Variants in ARHGEF18 observed in about 807,000 individuals in gnomAD.
ARHGEF18 encodes Rho/Rac guanine nucleotide exchange factor 18.
In ARHGEF18, 93 loss-of-function variants were observed where a neutral mutation model predicts 155.7. The ratio of observed to expected loss-of-function variants is 0.60; its 90% CI spans 0.50 to 0.71. The LOEUF is 0.71. Among genes scored for constraint, ARHGEF18 ranks in the 30% least tolerant of loss-of-function variants. The pLI, the probability that ARHGEF18 is intolerant of heterozygous loss-of-function variation, is 0.00. For missense variants in ARHGEF18, 1,593 were observed against 1,816.1 expected, an observed-to-expected ratio of 0.88 and a Z score of 2.23; for synonymous variants, 742 against 753.1, an observed-to-expected ratio of 0.99 and a Z score of 0.24.
intron 13 of ARHGEF18, among the ~76,000 whole-genome samples, chr19:7,443,907 GAA>G (rs71179114): frequency 1.7e-4 from 24 of 143,110 alleles, no homozygotes; most frequent in Non-Finnish European, 2.6e-4. Flanking sequence ...CCATCTCAAA[GAA>G]AAAAAAAAAA....
intron 10 of ARHGEF18, among the ~76,000 whole-genome samples, chr19:7,424,501 A>G (rs11669931): frequency 0.3 from 46,107 of 152,056 alleles, 7,469 homozygotes; most frequent in Middle Eastern, 0.54. Flanking sequence ...AATGTCTAAC[A>G]GCAGGGAAAC....
chr19:7,402,587 T>G (rs1030421631), intron 10 of ARHGEF18, among the ~76,000 whole-genome samples: 5 of 152,152 alleles, frequency 3.3e-5, no homozygotes, highest in African/African-American at 1.2e-4. Context: ...GAATAAGAAC[T>G]GGAAGCACAG....
At chr19:7,460,166 C>T (rs919939321) in intron 20 of ARHGEF18, among the ~76,000 whole-genome samples, 172 bp downstream of exon 20, 1 of 152,078 alleles carries the variant, frequency 6.6e-6, no homozygotes, top group Non-Finnish European at 1.5e-5. Flanking sequence ...CATGACATAG[C>T]GATCTCCAGA....
intron 10 of ARHGEF18, among the ~76,000 whole-genome samples, chr19:7,436,197 CTTTTTT>C (rs567879436): frequency 2.5e-5 from 2 of 78,574 alleles, no homozygotes; most frequent in Non-Finnish European, 2.5e-5. Flanking sequence ...AGCATTTCTT[CTTTTTT>C]TTTTTTTTTT....
At chr19:7,466,775 G>A in intron 23 of ARHGEF18, 143 bp from the exon 24 acceptor site, 1 of 856,992 alleles carries the variant, frequency 1.2e-6, no homozygotes, top group Non-Finnish European at 1.7e-6. Flanking sequence ...CTGCACTCCA[G>A]CTTGGGCAAC....
rs1178248904 is a variant in ARHGEF18 at position 7,367,815 on chromosome 19, TTA to T, written c.15+4921_15+4922del. Among the ~76,000 whole-genome samples the T allele has an allele frequency of 1.4e-3, 166 of 121,248 alleles. 33 individuals are homozygous for T. The highest frequency in any genetic ancestry group is 6.5e-3 in the African/African-American group (158 of 24,490). The allele number at this position is 121,248 out of a possible 152,430, so 79.5% of individuals were successfully genotyped here. ...ATATATATATACACATATATATATTTTATATATATATACACATATATATATTT... is the reference window on the plus strand; with the variant it reads ...ATATATATATACACATATATATATTTTATATATATACACATATATATATTT... On this transcript the variant is annotated intron_variant, in intron 2 of 28. Coordinates refer to ENST00000668164, the MANE Select transcript of ARHGEF18 (RefSeq NM_001367823.1).
chr19:7,474,788 C>CGTGTGTGTGTGTGTGTGTGTGT (rs1977183761), downstream of ARHGEF18, among the ~76,000 whole-genome samples: 4 of 95,934 alleles, frequency 4.2e-5, no homozygotes, highest in African/African-American at 3.1e-4. Flanking sequence ...TGTGTGTCTC[C>CGTGTGTGTGTGTGTGTGTGTGT]CCCCACCCTC....
At chr19:7,466,882 G>A (rs1191769541) in intron 23 of ARHGEF18, 36 bp from the exon 24 acceptor site, 1 of 1,608,000 alleles carries the variant, frequency 6.2e-7, no homozygotes, top group African/African-American at 1.3e-5. Flanking sequence ...TGGGTCTTGA[G>A]CCACTCTCTC....
chr19:7,473,245 A>C (rs1255048196), downstream of ARHGEF18: 3 of 456,236 alleles, frequency 6.6e-6, no homozygotes, highest in Admixed American at 7.0e-5. Flanking sequence ...CAAGGGGACT[A>C]GGTGTAAAGT....
rs943048607 is a variant in ARHGEF18, at chr19:7,444,018, C to A, written c.1361-186C>A. On this transcript the variant is annotated intron_variant, in intron 13 of 28. Transcript: ENST00000668164. The surrounding 1 kb of genome is among the most constrained non-coding windows in gnomAD (Gnocchi z 4.7). ...TCTCTCCTTCCCCTGCTCCTTCAGG[C>A]TGGGATCCCCCGCAGCATTCTAAAC... Among the ~76,000 whole-genome samples the A allele has an allele frequency of 6.6e-6, 1 of 152,190 alleles. No homozygotes were observed. Among genetic ancestry groups the A allele is most frequent in the Admixed American group, 6.5e-5 (1 of 15,268 alleles).
intron 23 of ARHGEF18, 82 bp from the exon 24 acceptor site, chr19:7,466,836 A>AAAAG: frequency 9.1e-7 from 1 of 1,094,034 alleles, no homozygotes; most frequent in Non-Finnish European, 1.3e-6. Context: ...AGTTAAAAAA[A>AAAAG]AAGAAGAAGA....
At chr19:7,381,736 G>A (rs1391422064) in intron 8 of ARHGEF18, among the ~76,000 whole-genome samples, 1 of 148,484 alleles carries the variant, frequency 6.7e-6, no homozygotes, top group Non-Finnish European at 1.5e-5. Context: ...AATAAAAAGA[G>A]CAGTGGGGCC....
At chr19:7,386,113 C>T (rs1467855884) in intron 10 of ARHGEF18, among the ~76,000 whole-genome samples, 7 of 149,840 alleles carry the variant, frequency 4.7e-5, no homozygotes, top group Non-Finnish European at 5.9e-5. Context: ...TTGAAATCCT[C>T]GGCTTAAGGA....
Position 7,467,607 on chromosome 19 carries a change from G to A in ARHGEF18, c.3403G>A (p.Glu1135Lys). 1 of 1,510,260 alleles carries A rather than the reference G, an allele frequency of 6.6e-7. No individual in the cohort carries two copies. The highest frequency in any genetic ancestry group is 8.8e-7 in the Non-Finnish European group (1 of 1,137,392). 93.6% of individuals were successfully genotyped at this position (1,510,260 alleles called of 1,614,324 possible). A position where few individuals can be genotyped will look rare whatever the true frequency, so the allele number is the denominator to read the frequency against. The change falls in exon 26 of 29, where the codon GAG (glutamate) becomes AAG (lysine). Residue 1135 changes from glutamate to lysine, a missense_variant. Glu to Lys is a moderately conservative substitution (Grantham distance 56). Coordinates refer to ENST00000668164, the MANE Select transcript of ARHGEF18 (RefSeq NM_001367823.1). ...EAQRAVERER[E>K]RLELLRRLKK... is the part of the protein sequence containing the mutation. ...CCAGCGTGCCGTGGAGCGCGAGCGG[G>A]AGCGCCTGGAGCTGCTGCGCCGCCT...
chr19:7,414,197 T>C (rs1972860895), intron 10 of ARHGEF18, among the ~76,000 whole-genome samples: 1 of 151,882 alleles, frequency 6.6e-6, no homozygotes, highest in African/African-American at 2.4e-5. Flanking sequence ...CTCACTCCCA[T>C]AGCAACCAAA....
chr19:7,478,029 A>C, the ARHGEF18 span, among the ~76,000 whole-genome samples: 2 of 152,248 alleles, frequency 1.3e-5, no homozygotes, highest in African/African-American at 4.8e-5. Context: ...CTCAAAAAAC[A>C]AAAAGAAAAA....
chr19:7,382,452 G>C (rs1221633116), intron 8 of ARHGEF18, among the ~76,000 whole-genome samples: 1 of 151,020 alleles, frequency 6.6e-6, no homozygotes, highest in Admixed American at 6.6e-5. Flanking sequence ...TAGATACCGG[G>C]TGGGGGTGGG....
intron 10 of ARHGEF18, among the ~76,000 whole-genome samples, chr19:7,389,490 C>T (rs9710110): frequency 2.2e-5 from 2 of 89,912 alleles, no homozygotes; most frequent in Non-Finnish European, 4.6e-5. Context: ...CTTCCTTCTT[C>T]CTTCCTCCCT....
rs373295473 is a variant in ARHGEF18 at position 7,467,222 on chromosome 19, C to T, written c.3018C>T (p.Ile1006=). Residue 1006 remains isoleucine, a synonymous_variant, in exon 26 of 29, where the codon ATC becomes ATT. Coordinates refer to ENST00000668164, the MANE Select transcript of ARHGEF18 (RefSeq NM_001367823.1). ...GCCCTGGCCCTCCGCAGGCGGTAAT[C>T]GCCCACCAGGACAGCTATGTGGAGA... ...SQLLLNLQAV[I]AHQDSYVETQ... The T allele has an allele frequency of 2.5e-6, 4 of 1,583,704 alleles. No homozygotes were observed. The highest frequency in any genetic ancestry group is 2.7e-5 in the African/African-American group (2 of 74,346).
Sources: gnomAD v4.1 joint callset for allele counts (sites outside exome capture counted in the v4.1 genomes callset) on GRCh38, gnomAD v4.1.1 for gene constraint, Gnocchi (gnomAD v3.1) non-coding constraint, MANE v1.5 for transcripts, NCBI Gene and HGNC (gene_info 2026-07-23, HGNC 2026-07-21) for gene names.